Variants in NUP210L observed in about 807,000 individuals in gnomAD.
NUP210L encodes nuclear pore membrane glycoprotein 210-like.
Under a neutral mutation model 208.5 loss-of-function variants are expected in NUP210L, and 74 were observed. That is an observed-to-expected ratio of 0.35 (90% CI 0.29 to 0.43). The LOEUF (loss-of-function observed/expected upper bound fraction) is 0.43. Ranked by LOEUF, NUP210L falls within the 20% of genes least tolerant of loss-of-function variation. NUP210L has a pLI of 1.00. For synonymous variants in NUP210L, 780 were observed against 816.9 expected (o/e 0.95, Z 0.77); for missense variants, 1,843 against 2,289.4 (o/e 0.81, Z 3.98).
At chr1:154,124,706 T>C (rs1033804634) in intron 10 of NUP210L, among the ~76,000 whole-genome samples, 6 of 152,000 alleles carry the variant, frequency 3.9e-5, no homozygotes, top group African/African-American at 1.5e-4. Context: ...AATCTCAACA[T>C]TTTGGGACGC....
intron 17 of NUP210L, among the ~76,000 whole-genome samples, chr1:154,064,735 C>T (rs1328531776): frequency 3.3e-5 from 5 of 152,090 alleles, no homozygotes; most frequent in African/African-American, 9.7e-5. Context: ...TATTTACTAA[C>T]AAATAAATAA....
At chr1:154,036,314 ATG>A (rs57011341) in intron 27 of NUP210L, among the ~76,000 whole-genome samples, 9,285 of 107,852 alleles carry the variant, frequency 0.086, 440 homozygotes, top group Middle Eastern at 0.11. Context: ...CAGTTGGAAC[ATG>A]TGTGTGTGTG....
intron 15 of NUP210L, among the ~76,000 whole-genome samples, chr1:154,091,813 A>G (rs1655934012): frequency 6.6e-6 from 1 of 151,252 alleles, no homozygotes; most frequent in Non-Finnish European, 1.5e-5. Flanking sequence ...AAAATTTCAT[A>G]TATACATATA....
chr1:154,006,966 A>ATATATATATATATATTT (rs1211789619), intron 35 of NUP210L, among the ~76,000 whole-genome samples: 53 of 115,758 alleles, frequency 4.6e-4, no homozygotes, highest in African/African-American at 1.7e-3. Flanking sequence ...ATATATATAT[A>ATATATATATATATATTT]TTTTTTTTTT....
chr1:154,041,575 C>A (rs1475945338), intron 27 of NUP210L, among the ~76,000 whole-genome samples: 1 of 151,910 alleles, frequency 6.6e-6, no homozygotes, highest in Non-Finnish European at 1.5e-5. Flanking sequence ...AAGTGATCCA[C>A]CTGCCTCGGC....
chr1:154,083,135 C>CT (rs1655438896), intron 16 of NUP210L, among the ~76,000 whole-genome samples: 1 of 152,206 alleles, frequency 6.6e-6, no homozygotes, highest in Admixed American at 6.5e-5. Flanking sequence ...CAGGTTGCCA[C>CT]TGTCGGCTCG....
In NUP210L at chr1:154,114,938, C is replaced by T. The variant is rs567871674; in HGVS notation, c.1620+2787G>A. 7.9e-5 allele frequency among the ~76,000 whole-genome samples: 12 copies of T among 152,244 alleles called. No individual in the cohort carries two copies. In the South Asian group the frequency reaches 2.3e-3, roughly 29 times the overall value. On this transcript the variant is annotated intron_variant, in intron 12 of 39. Transcript: ENST00000368559. The stretch of plus-strand genomic sequence containing the variant: ...CCACCCCGCTGGCAAAGTGAGAAAC[C>T]TCCACATCATCTCTGTGGCTTTAAA...
Position 154,046,470 on chromosome 1 carries a change from A to G in NUP210L, c.3484-101T>C, listed in dbSNP as rs993161861. 1.8e-5 allele frequency: 18 copies of G among 995,338 alleles called. 1 individual carries two copies. The highest frequency in any genetic ancestry group is 1.2e-4 in the South Asian group (9 of 73,492). The allele number at this position is 995,338 out of a possible 1,614,324, so 61.7% of individuals were successfully genotyped here. A position where few individuals can be genotyped will look rare whatever the true frequency, so the allele number is the denominator to read the frequency against. On this transcript the variant is annotated intron_variant, in intron 25 of 39. Coordinates refer to ENST00000368559, the Ensembl canonical transcript of NUP210L. ...TAGTTTGCTATTGTTTTTAACATTC[A>G]GTAAAAAACCTTGCCCATGCTTATT...
At chr1:154,061,022 C>T (rs758751849) in exon 19 of NUP210L, 1 of 1,612,076 alleles carries the variant, frequency 6.2e-7, no homozygotes, top group Non-Finnish European at 8.5e-7. Flanking sequence ...TCCACATCTA[C>T]AGATCTGGGC....
intron 1 of NUP210L, among the ~76,000 whole-genome samples, 193 bp from the exon 2 acceptor site, chr1:154,153,065 T>C (rs1659481259): frequency 6.6e-6 from 1 of 152,192 alleles, no homozygotes; most frequent in African/African-American, 2.4e-5. Context: ...CAATGATCCC[T>C]TGAACAAAGT....
intron 15 of NUP210L, among the ~76,000 whole-genome samples, chr1:154,091,071 G>GTTGTTATTATTA (rs368916703): frequency 7.1e-6 from 1 of 140,818 alleles, no homozygotes; most frequent in African/African-American, 2.6e-5. Flanking sequence ...TATTATTGCT[G>GTTGTTATTATTA]TTATTATTAT....
At chr1:154,140,787 C>T (rs1189132831) in intron 4 of NUP210L, among the ~76,000 whole-genome samples, 1 of 151,060 alleles carries the variant, frequency 6.6e-6, no homozygotes, top group Non-Finnish European at 1.5e-5. Flanking sequence ...TTGAGAACAT[C>T]CTGGCTAACA....
At chr1:154,124,192 G>GAAAA in intron 10 of NUP210L, among the ~76,000 whole-genome samples, 1 of 120,106 alleles carries the variant, frequency 8.3e-6, no homozygotes, top group Non-Finnish European at 1.7e-5. Flanking sequence ...ATCTCAAAAA[G>GAAAA]AAAAAAAAAA....
At position 154,004,068 on chromosome 1, in the gene NUP210L, G is replaced by GTT. The variant is rs145961082; in HGVS notation, c.4931-2085_4931-2084dup. ...TGCCCCTTCACAGGTATCCTTGCCT[G>GTT]TTTTTTGTTTTTTTTTTTGAGATGG... On this transcript the variant is annotated intron_variant, in intron 35 of 39. Transcript: ENST00000368559. Among the ~76,000 whole-genome samples, 39 of 141,540 alleles carry GTT rather than the reference G, an allele frequency of 2.8e-4. 1 individual carries two copies. The highest frequency in any genetic ancestry group is 1.8e-3 in the East Asian group (8 of 4,498). 92.9% of individuals were successfully genotyped at this position (141,540 alleles called of 152,430 possible).
intron 12 of NUP210L, among the ~76,000 whole-genome samples, chr1:154,115,447 G>C (rs1057442068): frequency 2.0e-5 from 3 of 152,132 alleles, no homozygotes; most frequent in African/African-American, 7.2e-5. Flanking sequence ...TACCAAATAA[G>C]GAAGCACTCT....
intron 3 of NUP210L, among the ~76,000 whole-genome samples, chr1:154,143,004 C>T (rs1018061504): frequency 2.0e-5 from 3 of 151,516 alleles, no homozygotes; most frequent in Non-Finnish European, 4.4e-5. Context: ...GCTTGACCAA[C>T]ATGGTGAAAG....
At chr1:154,147,721 C>T (rs944511690) in intron 2 of NUP210L, among the ~76,000 whole-genome samples, 1 of 150,292 alleles carries the variant, frequency 6.7e-6, no homozygotes, top group Non-Finnish European at 1.5e-5. Flanking sequence ...CAATCCAACT[C>T]ACTGCAACCT....
chr1:154,055,155 CTTTCTTTCTTTCTTTCTTTCT>C (rs1653773317), intron 23 of NUP210L, among the ~76,000 whole-genome samples: 2 of 108,760 alleles, frequency 1.8e-5, no homozygotes, highest in Non-Finnish European at 3.6e-5. Context: ...TTCTTTCTTT[CTTTCTTTCTTTCTTTCTTTCT>C]TTCTTTCTTT....
At chr1:154,131,734 T>C (rs1026568526) in intron 7 of NUP210L, among the ~76,000 whole-genome samples, 9 of 152,194 alleles carry the variant, frequency 5.9e-5, no homozygotes, top group Non-Finnish European at 4.4e-5. Context: ...AACAGTTTTC[T>C]CCTCTTTGTA....
Sources: allele counts gnomAD v4.1 joint callset (sites outside exome capture counted in the v4.1 genomes callset), GRCh38; gene constraint gnomAD v4.1.1; transcripts MANE v1.5; gene names NCBI Gene and HGNC (gene_info 2026-07-23, HGNC 2026-07-21).